The following ATP2B2 variants were observed in gnomAD, a reference collection of about 807,000 sequenced individuals.
ATP2B2 encodes plasma membrane calcium-transporting ATPase 2.
Under a neutral mutation model 120.0 loss-of-function variants are expected in ATP2B2, and 15 were observed. That is an observed-to-expected ratio of 0.12 (90% confidence interval 0.08 to 0.19). The LOEUF is 0.19. Among genes scored for constraint, ATP2B2 ranks in the 10% least tolerant of loss-of-function variants. The probability of loss-of-function intolerance (pLI) is 1.00; values close to 1 mark genes in which losing one functional copy is unlikely to be tolerated. For synonymous variants in ATP2B2, 694 were observed against 700.3 expected (o/e 0.99, Z 0.14); for missense variants, 1,045 against 1,719.8 (o/e 0.61, Z 6.94).
chr3:10,500,236 C>G (rs936991272), intron 1 of ATP2B2, among the ~76,000 whole-genome samples: 1 of 151,060 alleles, frequency 6.6e-6, no homozygotes, highest in South Asian at 2.1e-4. Context: ...CTGCGCCTGG[C>G]CTGACTTGGG....
chr3:10,459,632 A>T (rs1335656761), intron 1 of ATP2B2, among the ~76,000 whole-genome samples: 1 of 152,216 alleles, frequency 6.6e-6, no homozygotes, highest in Admixed American at 6.5e-5. Context: ...TTCTGCCCTC[A>T]TCCCCCTCAT....
At chr3:10,626,145 G>C (rs987811799) in intron 1 of ATP2B2, 4 of 152,102 alleles carry the variant, frequency 2.6e-5, no homozygotes, top group African/African-American at 9.7e-5. Context: ...CTGGAGTTTG[G>C]GAAACTCTCA....
intron 5 of ATP2B2, among the ~76,000 whole-genome samples, chr3:10,391,350 A>G (rs1190522976): frequency 6.6e-6 from 1 of 152,174 alleles, no homozygotes; most frequent in African/African-American, 2.4e-5. Context: ...CTGGTCTGAG[A>G]CACATTCTGC....
rs527863830 is a variant in ATP2B2, at chr3:10,603,024, T to C, written c.-415+16893A>G. On this transcript the variant is annotated intron_variant, in intron 2 of 21. Coordinates refer to the ATP2B2 transcript ENST00000646379. Reference sequence around the variant, plus strand: ...GTTCTCTCAAGGCTGTGAAGCCCTATTTAAGGCCATCCTTCCACTGGCCAA... The same window carrying C: ...GTTCTCTCAAGGCTGTGAAGCCCTACTTAAGGCCATCCTTCCACTGGCCAA... Among the ~76,000 whole-genome samples the C allele has an allele frequency of 2.0e-5, 3 of 152,344 alleles. No homozygotes were observed. The East Asian group carries it at 5.8e-4, about 29-fold the overall frequency.
intron 2 of ATP2B2, among the ~76,000 whole-genome samples, chr3:10,411,373 T>C (rs1040627126): frequency 2.6e-5 from 4 of 152,182 alleles, no homozygotes; most frequent in African/African-American, 7.2e-5. Flanking sequence ...GAGAATAAAA[T>C]TCCCTTGTTT....
intron 1 of ATP2B2, among the ~76,000 whole-genome samples, chr3:10,472,502 G>A (rs970238073): frequency 4.6e-5 from 7 of 152,230 alleles, no homozygotes; most frequent in African/African-American, 1.7e-4. Flanking sequence ...TTGCGGGGCT[G>A]TCCGCCCTCG....
At chr3:10,486,005 G>C (rs2065636187) in intron 1 of ATP2B2, among the ~76,000 whole-genome samples, 1 of 152,168 alleles carries the variant, frequency 6.6e-6, no homozygotes, top group African/African-American at 2.4e-5. Context: ...TGGTAAGTGA[G>C]GACAGGAGGC....
chr3:10,557,109 G>A (rs2067797934), intron 2 of ATP2B2, among the ~76,000 whole-genome samples: 1 of 152,146 alleles, frequency 6.6e-6, no homozygotes, highest in African/African-American at 2.4e-5. Flanking sequence ...TCCTGGCTAG[G>A]TGTTTCTAAT....
At chr3:10,506,067 G>A (rs913266530), upstream of ATP2B2, among the ~76,000 whole-genome samples, 7 of 152,070 alleles carry the variant, frequency 4.6e-5, no homozygotes, top group African/African-American at 1.4e-4. Context: ...GGACTTATTT[G>A]GTCAGGGGCT....
At chr3:10,446,852 A>G (rs2063853483) in intron 2 of ATP2B2, among the ~76,000 whole-genome samples, 1 of 152,238 alleles carries the variant, frequency 6.6e-6, no homozygotes, top group South Asian at 2.1e-4. Context: ...GTGGCAGAGC[A>G]ATAGAGATGT....
In ATP2B2 at chr3:10,328,931, G is replaced by GGATGAC. The variant is rs1231958885; in HGVS notation, c.3609_3614dup (p.Ser1204_Ser1205dup). On this transcript the variant is annotated inframe_insertion, in exon 23 of 23. Transcript: ENST00000360273. ...CGATGGCGCTGTTGTTCTTGTTGAG[G>GGATGAC]GATGACGGCGGGCTCGAGTTCTGCT... The GGATGAC allele has an allele frequency of 1.2e-6, 2 of 1,613,966 alleles. No homozygotes were observed. The highest frequency in any genetic ancestry group is 3.3e-5 in the Admixed American group (2 of 59,996).
At chr3:10,691,826 C>T (rs1225139089) in intron 1 of ATP2B2, among the ~76,000 whole-genome samples, 2 of 152,158 alleles carry the variant, frequency 1.3e-5, no homozygotes, top group African/African-American at 4.8e-5. Flanking sequence ...CACCATATTT[C>T]CATAGTTGCA....
chr3:10,412,613 C>T (rs2062650070), intron 2 of ATP2B2, among the ~76,000 whole-genome samples: 1 of 152,132 alleles, frequency 6.6e-6, no homozygotes, highest in African/African-American at 2.4e-5. Context: ...GGACAGTGGC[C>T]CTCTGCCTTT....
chr3:10,500,952 C>T (rs552271228), intron 1 of ATP2B2, among the ~76,000 whole-genome samples: 1 of 152,192 alleles, frequency 6.6e-6, no homozygotes, highest in South Asian at 2.1e-4. Flanking sequence ...GATCACTGAC[C>T]CCTCTCACAA....
At position 10,697,791 on chromosome 3, in the gene ATP2B2, T is replaced by C. The variant is rs566093722; in HGVS notation, c.-460+10124A>G. ...AAATTGACAGGCGTGCAGCAAATCCTAAATCTCAGGGTTTGATGGAGAAAC... is the reference window on the plus strand; with the variant it reads ...AAATTGACAGGCGTGCAGCAAATCCCAAATCTCAGGGTTTGATGGAGAAAC... On this transcript the variant is annotated intron_variant, in intron 1 of 21. Transcript: ENST00000646379. Among the ~76,000 whole-genome samples the C allele has an allele frequency of 7.9e-5, 12 of 152,368 alleles. No individual in the cohort carries two copies. The East Asian group carries it at 1.9e-3, about 24-fold the overall frequency.
chr3:10,447,338 C>T (rs2125169537), intron 2 of ATP2B2, among the ~76,000 whole-genome samples: 1 of 152,356 alleles, frequency 6.6e-6, no homozygotes, highest in Non-Finnish European at 1.5e-5. Flanking sequence ...GGAAATGGCC[C>T]TGCAAGGTTG....
In ATP2B2 at chr3:10,646,674, G is replaced by C. The variant is rs534388015; in HGVS notation, c.-459-26713C>G. ...GACACTTGCTGACTACAGCGAGGAA[G>C]CAGAGTGCGTTACATAATGGGAATG... is the stretch of plus-strand genomic sequence containing the variant. On this transcript the variant is annotated intron_variant, in intron 1 of 21. Coordinates refer to the ATP2B2 transcript ENST00000646379. Among the ~76,000 whole-genome samples, 15 of 152,254 alleles carry C rather than the reference G, an allele frequency of 9.9e-5. 1 individual carries two copies. Among genetic ancestry groups the C allele is most frequent in the Admixed American group, 9.8e-4 (15 of 15,302 alleles).
At chr3:10,632,621 A>G (rs899538062) in intron 1 of ATP2B2, among the ~76,000 whole-genome samples, 26 of 152,178 alleles carry the variant, frequency 1.7e-4, no homozygotes, top group Admixed American at 1.6e-3. Context: ...AGGGCTTAGC[A>G]TCGAGCTCTG....
At chr3:10,640,864 A>C (rs2070152579) in intron 1 of ATP2B2, among the ~76,000 whole-genome samples, 1 of 152,244 alleles carries the variant, frequency 6.6e-6, no homozygotes, top group Non-Finnish European at 1.5e-5. Context: ...AGAGGGATTC[A>C]GAGTGGTTGG....
Sources: gnomAD v4.1 joint callset for allele counts (sites outside exome capture counted in the v4.1 genomes callset) on GRCh38, gnomAD v4.1.1 for gene constraint, MANE v1.5 for transcripts, NCBI Gene and HGNC (gene_info 2026-07-23, HGNC 2026-07-21) for gene names.